EYA4: variants seen among roughly 807,000 people sequenced by gnomAD.
EYA4 encodes the protein EYA transcriptional coactivator and phosphatase 4.
In EYA4, 31 loss-of-function variants were observed where a neutral mutation model predicts 87.9. The observed-to-expected ratio is 0.35, with a 90% CI of 0.27 to 0.48. The LOEUF (loss-of-function observed/expected upper bound fraction) is 0.48. EYA4 is among the 20% of genes least tolerant of loss of function. The probability of loss-of-function intolerance (pLI) is 0.99; values close to 1 mark genes in which losing one functional copy is unlikely to be tolerated. For synonymous variants in EYA4, 263 were observed against 270.6 expected (o/e 0.97, Z 0.28); for missense variants, 678 against 761.4 (o/e 0.89, Z 1.29).
Position 133,301,687 on chromosome 6 carries a change from A to G in EYA4, c.33+26874A>G, listed in dbSNP as rs142315905. Among the ~76,000 whole-genome samples, 31 of 152,356 alleles carry G rather than the reference A, an allele frequency of 2.0e-4. No homozygotes were observed. In the East Asian group the frequency reaches 5.2e-3, roughly 26 times the overall value. On this transcript the variant is annotated intron_variant, in intron 2 of 19. Transcript: ENST00000355286. ...GGTGCTGTTTAATAACATGTACAATATGAGAGCTAGTAAGTATCGGAACTG... is the reference window on the plus strand; with the variant it reads ...GGTGCTGTTTAATAACATGTACAATGTGAGAGCTAGTAAGTATCGGAACTG...
At chr6:133,430,516 T>C (rs1244225651) in intron 3 of EYA4, among the ~76,000 whole-genome samples, 1 of 152,198 alleles carries the variant, frequency 6.6e-6, no homozygotes, top group Non-Finnish European at 1.5e-5. Context: ...ATTGTTCTAC[T>C]TTTCATATTT....
intron 1 of EYA4, among the ~76,000 whole-genome samples, chr6:133,253,188 C>T (rs1018659730): frequency 4.6e-5 from 7 of 151,928 alleles, no homozygotes; most frequent in Non-Finnish European, 7.4e-5. Context: ...AGGTGGAGGC[C>T]GTTCTCGGGG....
intron 2 of EYA4, among the ~76,000 whole-genome samples, chr6:133,362,379 G>A (rs1387865431): frequency 6.6e-6 from 1 of 152,168 alleles, no homozygotes; most frequent in East Asian, 1.9e-4. Context: ...TTGTAATGCT[G>A]ATGAAGATTA....
intron 3 of EYA4, among the ~76,000 whole-genome samples, chr6:133,384,430 G>T (rs1167254074): frequency 6.6e-6 from 1 of 152,172 alleles, no homozygotes; most frequent in Non-Finnish European, 1.5e-5. Flanking sequence ...TGGATTAGCT[G>T]CTGCTTAAAG....
chr6:133,328,629 A>G (rs1781684882), intron 2 of EYA4, among the ~76,000 whole-genome samples: 1 of 152,140 alleles, frequency 6.6e-6, no homozygotes, highest in African/African-American at 2.4e-5. Context: ...ATTTCCTTCC[A>G]CTGGCAAATA....
At chr6:133,400,225 T>G (rs756323912) in intron 3 of EYA4, among the ~76,000 whole-genome samples, 12 of 152,172 alleles carry the variant, frequency 7.9e-5, no homozygotes, top group Non-Finnish European at 1.3e-4. Flanking sequence ...GAAAATTATA[T>G]GCGGTGGGGC....
chr6:133,381,499 T>A (rs908227442), intron 2 of EYA4, among the ~76,000 whole-genome samples: 1 of 151,362 alleles, frequency 6.6e-6, no homozygotes, highest in African/African-American at 2.4e-5. Flanking sequence ...TTCAGTAGAA[T>A]TTTTTTTTGC....
At chr6:133,519,723 G>C (rs1799939918) in intron 17 of EYA4, among the ~76,000 whole-genome samples, 1 of 150,744 alleles carries the variant, frequency 6.6e-6, no homozygotes, top group Non-Finnish European at 1.5e-5. Context: ...TATCCTTGAT[G>C]AACATTGATG....
At chr6:133,523,644 C>G (rs929059016) in intron 18 of EYA4, among the ~76,000 whole-genome samples, 2 of 152,274 alleles carry the variant, frequency 1.3e-5, no homozygotes, top group Middle Eastern at 3.4e-3. Context: ...ATTCATAACA[C>G]ATGAGCGACT....
chr6:133,414,598 C>G (rs946840585), intron 3 of EYA4, among the ~76,000 whole-genome samples: 1 of 152,248 alleles, frequency 6.6e-6, no homozygotes, highest in African/African-American at 2.4e-5. Context: ...CTCTTCAATT[C>G]ACTGGACTTC....
At chr6:133,516,212 A>G (rs1003909165) in intron 17 of EYA4, among the ~76,000 whole-genome samples, 2 of 152,150 alleles carry the variant, frequency 1.3e-5, no homozygotes, top group African/African-American at 4.8e-5. Context: ...ATATAGGGAA[A>G]CAACAGACAC....
chr6:133,458,844 C>A (rs1171724247), intron 6 of EYA4, among the ~76,000 whole-genome samples: 1 of 152,018 alleles, frequency 6.6e-6, no homozygotes, highest in Non-Finnish European at 1.5e-5. Flanking sequence ...AGATATTAAA[C>A]ATGTATTTAA....
At chr6:133,479,085 G>GTTAA (rs1562467995) in intron 11 of EYA4, among the ~76,000 whole-genome samples, 1 of 152,122 alleles carries the variant, frequency 6.6e-6, no homozygotes, top group African/African-American at 2.4e-5. Flanking sequence ...ATAAGTGAGG[G>GTTAA]TTAATTTTAA....
chr6:133,265,854 T>C (rs1177861171), intron 1 of EYA4, among the ~76,000 whole-genome samples: 1 of 152,234 alleles, frequency 6.6e-6, no homozygotes, highest in African/African-American at 2.4e-5. Flanking sequence ...TTAATTCTCT[T>C]ATGCTCCAAT....
At chr6:133,364,749 A>G (rs1256913422) in intron 2 of EYA4, among the ~76,000 whole-genome samples, 1 of 152,148 alleles carries the variant, frequency 6.6e-6, no homozygotes, top group African/African-American at 2.4e-5. Flanking sequence ...AAAGTATTTG[A>G]TAGTCTTTCC....
chr6:133,273,372 G>A (rs1776897775), intron 1 of EYA4, among the ~76,000 whole-genome samples: 2 of 151,980 alleles, frequency 1.3e-5, no homozygotes, highest in Admixed American at 1.3e-4. Flanking sequence ...GATTAAGGGT[G>A]GATCTGCCTT....
At chr6:133,400,571 G>T (rs899691327) in intron 3 of EYA4, among the ~76,000 whole-genome samples, 1 of 151,692 alleles carries the variant, frequency 6.6e-6, no homozygotes, top group African/African-American at 2.4e-5. Flanking sequence ...TAAATAATCT[G>T]TTCTAATATA....
Position 133,511,527 on chromosome 6 carries a change from C to G in EYA4, c.1282-1194C>G, listed in dbSNP as rs888560736. The G allele has an allele frequency of 7.3e-5, 11 of 151,638 alleles. No individual in the cohort carries two copies. The South Asian group carries it at 2.3e-3, about 31-fold the overall frequency. 9.4% of individuals were successfully genotyped at this position (151,638 alleles called of 1,614,324 possible). A position where few individuals can be genotyped will look rare whatever the true frequency, so the allele number is the denominator to read the frequency against. ...TTCTGAGAACTAGGCATTTTAAATG[C>G]CCTCACCAAATTTCACCTTTAGATC... On this transcript the variant is annotated intron_variant, in intron 14 of 19. Transcript: ENST00000355286.
chr6:133,530,227 G>A lies in EYA4; in HGVS notation c.*1422G>A. On this transcript the variant is annotated 3_prime_UTR_variant, in exon 20 of 20. Coordinates refer to ENST00000355286, the MANE Select transcript of EYA4 (RefSeq NM_004100.5). ...TTCTCCATCTGAATACATCAATGCA[G>A]GTTCTCCTCGTAACAGACTTGCATA... 5.1e-6 allele frequency: 5 copies of A among 985,378 alleles called. No individual in the cohort carries two copies. Among genetic ancestry groups the A allele is most frequent in the Non-Finnish European group, 6.0e-6 (5 of 829,898 alleles). 61.0% of individuals were successfully genotyped at this position (985,378 alleles called of 1,614,324 possible).
Sources: allele counts gnomAD v4.1 joint callset (sites outside exome capture counted in the v4.1 genomes callset), GRCh38; gene constraint gnomAD v4.1.1; transcripts MANE v1.5; gene names NCBI Gene and HGNC (gene_info 2026-07-23, HGNC 2026-07-21).